Variants in AAK1 observed in about 807,000 individuals in gnomAD.
The protein encoded by AAK1 is AP2 associated kinase 1, also known as AP2-associated protein kinase 1.
In AAK1, 37 loss-of-function variants were observed where a neutral mutation model predicts 116.0. The ratio of observed to expected loss-of-function variants is 0.32; its 90% CI spans 0.25 to 0.42. AAK1 has a LOEUF of 0.42. Ranked by LOEUF, AAK1 falls within the 10% of genes least tolerant of loss-of-function variation. The probability of loss-of-function intolerance (pLI) is 1.00; values close to 1 mark genes in which losing one functional copy is unlikely to be tolerated. For missense variants in AAK1, 919 were observed against 1,170.6 expected (o/e 0.79, Z 3.14); for synonymous variants, 458 against 439.9 (o/e 1.04, Z -0.51).
chr2:69,594,173 C>A (rs1673159114), intron 2 of AAK1, among the ~76,000 whole-genome samples: 1 of 152,180 alleles, frequency 6.6e-6, no homozygotes, highest in Admixed American at 6.5e-5. Context: ...TGGTATATCT[C>A]TAAATTCAAA....
chr2:69,518,867 C>T, intron 12 of AAK1, 87 bp downstream of exon 12: 2 of 1,449,730 alleles, frequency 1.4e-6, no homozygotes, highest in Non-Finnish European at 1.8e-6. Flanking sequence ...TGTTTAATGG[C>T]TCTCTGGGAA....
chr2:69,466,164 G>T lies in AAK1; in HGVS notation c.*9705C>A. 7.8e-7 allele frequency: 1 copy of T among 1,290,084 alleles called. No homozygotes were observed. The highest frequency in any genetic ancestry group is 1.0e-6 in the Non-Finnish European group (1 of 988,870). 79.9% of individuals were successfully genotyped at this position (1,290,084 alleles called of 1,614,324 possible). On this transcript the variant is annotated 3_prime_UTR_variant, in exon 22 of 22. Coordinates refer to ENST00000409085, the MANE Select transcript of AAK1 (RefSeq NM_014911.5). ...CCCATCAGTGGCTGGCTGTGTGAAG[G>T]CTTGAAACTGGTTCTTTCTTCCACC...
In AAK1 at chr2:69,467,030, G is replaced by A; in HGVS notation, c.*8839C>T. The stretch of plus-strand genomic sequence containing the variant: ...AGAGGGACAAACTCTCTGAAAAGAA[G>A]CAGAATGTGGCTGCTTGATAAATGC... On this transcript the variant is annotated 3_prime_UTR_variant, in exon 22 of 22. Transcript: ENST00000409085. 1 of 985,448 alleles carries A rather than the reference G, an allele frequency of 1.0e-6. No individual in the cohort carries two copies. Among genetic ancestry groups the A allele is most frequent in the Non-Finnish European group, 1.2e-6 (1 of 829,940 alleles). 61.0% of individuals were successfully genotyped at this position (985,448 alleles called of 1,614,324 possible).
chr2:69,567,252 C>CT (rs1323978215), intron 2 of AAK1, among the ~76,000 whole-genome samples: 1 of 152,218 alleles, frequency 6.6e-6, no homozygotes, highest in Admixed American at 6.5e-5. Context: ...AGATTTCAGG[C>CT]TAAACGTTAC....
intron 2 of AAK1, among the ~76,000 whole-genome samples, chr2:69,609,504 A>T (rs1459642302): frequency 6.6e-6 from 1 of 151,934 alleles, no homozygotes; most frequent in Non-Finnish European, 1.5e-5. Context: ...CAACATGGCA[A>T]AACTCCGTTT....
intron 2 of AAK1, among the ~76,000 whole-genome samples, chr2:69,559,121 CTCAGTA>C (rs770030064): frequency 5.9e-5 from 9 of 152,032 alleles, no homozygotes; most frequent in Non-Finnish European, 1.3e-4. Context: ...TACAATGTTC[CTCAGTA>C]TTCAAATAAA....
At chr2:69,484,879 AT>A (rs200777502) in intron 17 of AAK1, among the ~76,000 whole-genome samples, 7 of 151,484 alleles carry the variant, frequency 4.6e-5, no homozygotes, top group Admixed American at 1.3e-4. Flanking sequence ...AAAAAAAAAA[AT>A]AATAATAATA....
At chr2:69,575,394 G>A (rs934664503) in intron 2 of AAK1, among the ~76,000 whole-genome samples, 3 of 150,706 alleles carry the variant, frequency 2.0e-5, no homozygotes, top group Admixed American at 6.6e-5. Context: ...CAGTAGTCCA[G>A]ATAAATACTA....
Position 69,529,745 on chromosome 2 carries a change from T to C in AAK1, c.871+263A>G, listed in dbSNP as rs566415598. 6.6e-5 allele frequency among the ~76,000 whole-genome samples: 10 copies of C among 152,280 alleles called. No homozygotes were observed. In the South Asian group the frequency reaches 1.2e-3, roughly 19 times the overall value. On this transcript the variant is annotated intron_variant, in intron 8 of 21. Coordinates refer to ENST00000409085, the MANE Select transcript of AAK1 (RefSeq NM_014911.5). ...CTTTCATAGAGACTGCAACAGAATATAGAAGCACTATACTGCTCCAGGCAG... is the reference window on the plus strand; with the variant it reads ...CTTTCATAGAGACTGCAACAGAATACAGAAGCACTATACTGCTCCAGGCAG...
chr2:69,598,033 A>G (rs1673378108), intron 2 of AAK1: 3 of 408,934 alleles, frequency 7.3e-6, no homozygotes, highest in African/African-American at 2.1e-5. Context: ...ACAAAATGTT[A>G]GCACTGTGCT....
rs1675590596 is a variant in AAK1, at chr2:69,639,200, A to G, written c.163+3678T>C. Reference sequence around the variant, plus strand: ...CTTATAGTTCCAGAATGTTGTCTTCAACACAGTAATAAATAAACATTTATT... The same window carrying G: ...CTTATAGTTCCAGAATGTTGTCTTCGACACAGTAATAAATAAACATTTATT... On this transcript the variant is annotated intron_variant, in intron 2 of 21. Transcript: ENST00000409085. Among the ~76,000 whole-genome samples, 3 of 152,208 alleles carry G rather than the reference A, an allele frequency of 2.0e-5. No homozygotes were observed. In the South Asian group the frequency reaches 6.2e-4, roughly 31 times the overall value.
intron 19 of AAK1, among the ~76,000 whole-genome samples, chr2:69,480,194 T>C (rs1262139458): frequency 6.6e-6 from 1 of 151,508 alleles, no homozygotes; most frequent in East Asian, 1.9e-4. Flanking sequence ...TCCTCACATT[T>C]CCTAGGCTTC....
At chr2:69,623,502 A>C (rs1347627935) in intron 2 of AAK1, among the ~76,000 whole-genome samples, 2 of 152,098 alleles carry the variant, frequency 1.3e-5, no homozygotes, top group Admixed American at 1.3e-4. Context: ...TGCTTTTCTG[A>C]TCATGCCAGC....
chr2:69,597,865 C>G (rs1024422220), intron 2 of AAK1: 1 of 183,888 alleles, frequency 5.4e-6, no homozygotes, highest in Non-Finnish European at 1.1e-5. Context: ...AGAGTAAGAT[C>G]GGGTCTCAAA....
At chr2:69,610,199 C>T (rs899652478) in intron 2 of AAK1, among the ~76,000 whole-genome samples, 7 of 151,846 alleles carry the variant, frequency 4.6e-5, no homozygotes, top group African/African-American at 1.5e-4. Context: ...AGAAATAAAC[C>T]CTCACATATA....
In AAK1 at chr2:69,472,364, A is replaced by G. The variant is rs558324853; in HGVS notation, c.*3505T>C. The G allele has an allele frequency of 8.9e-6, 2 of 223,536 alleles. No individual in the cohort carries two copies. Among genetic ancestry groups the G allele is most frequent in the East Asian group, 3.6e-4 (2 of 5,486 alleles). The allele number at this position is 223,536 out of a possible 1,614,324, so 13.8% of individuals were successfully genotyped here. On this transcript the variant is annotated 3_prime_UTR_variant, in exon 22 of 22. Coordinates refer to ENST00000409085, the MANE Select transcript of AAK1 (RefSeq NM_014911.5). ...TTCTCAAAGTGATACTAATTAAATAATATAGCTGATTTTCTTATACCTTAT... is the reference window on the plus strand; with the variant it reads ...TTCTCAAAGTGATACTAATTAAATAGTATAGCTGATTTTCTTATACCTTAT...
Position 69,475,218 on chromosome 2 carries a change from G to C in AAK1, c.*651C>G. 1.0e-6 allele frequency: 1 copy of C among 985,838 alleles called. No individual in the cohort carries two copies. The highest frequency in any genetic ancestry group is 1.2e-6 in the Non-Finnish European group (1 of 829,962). The allele number at this position is 985,838 out of a possible 1,614,324, so 61.1% of individuals were successfully genotyped here. ...GGACGAATGCTGGGCAGGTTGCATG[G>C]GGTGTAAAATCCCTTGGCTAAGTCT... On this transcript the variant is annotated 3_prime_UTR_variant, in exon 22 of 22. Transcript: ENST00000409085.
chr2:69,622,992 G>C (rs1237550786), intron 2 of AAK1, among the ~76,000 whole-genome samples: 1 of 152,044 alleles, frequency 6.6e-6, no homozygotes, highest in African/African-American at 2.4e-5. Flanking sequence ...AAGAATAAAA[G>C]CAGGCTGCCA....
intron 12 of AAK1, among the ~76,000 whole-genome samples, chr2:69,517,413 A>G (rs992307567): frequency 6.6e-6 from 1 of 152,198 alleles, no homozygotes; most frequent in Admixed American, 6.5e-5. Context: ...GGGGAACATT[A>G]AACAAATGGA....
Sources: gnomAD v4.1 joint callset for allele counts (sites outside exome capture counted in the v4.1 genomes callset) on GRCh38, gnomAD v4.1.1 for gene constraint, MANE v1.5 for transcripts, NCBI Gene and HGNC (gene_info 2026-07-23, HGNC 2026-07-21) for gene names.